The following SLC3A2 variants were observed in gnomAD, a reference collection of about 807,000 sequenced individuals.
SLC3A2 encodes solute carrier family 3 member 2, also known as amino acid transporter heavy chain SLC3A2.
In SLC3A2, 32 loss-of-function variants were observed where a neutral mutation model predicts 48.5. The observed-to-expected ratio is 0.66, with a 90% CI of 0.50 to 0.89. The LOEUF is 0.89. Ranked by LOEUF, SLC3A2 falls within the 40% of genes least tolerant of loss-of-function variation. The pLI is 0.00. For synonymous variants in SLC3A2, 277 were observed against 288.8 expected (o/e 0.96, Z 0.41); for missense variants, 587 against 680.7 (o/e 0.86, Z 1.53).
intron 1 of SLC3A2, among the ~76,000 whole-genome samples, chr11:62,871,920 TA>T (rs2085521735): frequency 6.6e-6 from 1 of 151,904 alleles, no homozygotes; most frequent in Admixed American, 6.6e-5. Flanking sequence ...TTATTATTAT[TA>T]TTATTTTTTG....
At chr11:62,877,315 T>G (rs2085581108), upstream of SLC3A2, among the ~76,000 whole-genome samples, 2 of 152,256 alleles carry the variant, frequency 1.3e-5, no homozygotes, top group South Asian at 4.1e-4. Context: ...CCTGCCTTGG[T>G]CTCCCAAAGT....
In SLC3A2 at chr11:62,857,653, T is replaced by C. The variant is rs947976629; in HGVS notation, c.112+1272T>C. On this transcript the variant is annotated intron_variant, in intron 1 of 9. Transcript: ENST00000377889. ...TGCAAATGAGCTGTGATCAAGCCAC[T>C]GCACTGCACTCCAGCCTGGATGACT... 4.6e-5 allele frequency among the ~76,000 whole-genome samples: 6 copies of C among 129,522 alleles called. No individual in the cohort carries two copies. In the East Asian group the frequency reaches 1.5e-3, roughly 32 times the overall value. The allele number at this position is 129,522 out of a possible 152,430, so 85.0% of individuals were successfully genotyped here.
chr11:62,856,170 C>T, exon 1 of SLC3A2: 2 of 932,888 alleles, frequency 2.1e-6, no homozygotes, highest in Admixed American at 2.6e-5. Flanking sequence ...CACTGCCTCA[C>T]GGCGATCCTG....
At chr11:62,873,957 C>T (rs1212041401) in intron 1 of SLC3A2, among the ~76,000 whole-genome samples, 3 of 142,548 alleles carry the variant, frequency 2.1e-5, no homozygotes, top group Non-Finnish European at 4.5e-5. Flanking sequence ...GTACTTGCAC[C>T]ATGCCCAGCT....
intron 1 of SLC3A2, among the ~76,000 whole-genome samples, chr11:62,859,510 C>G (rs1402687421): frequency 1.3e-5 from 2 of 152,028 alleles, no homozygotes; most frequent in Non-Finnish European, 2.9e-5. Flanking sequence ...GGTGAAAACC[C>G]TTCTCTACTA....
chr11:62,882,232 C>T, intron 2 of SLC3A2, 166 bp downstream of exon 2: 1 of 768,480 alleles, frequency 1.3e-6, no homozygotes, highest in South Asian at 1.9e-5. Context: ...GTCCAGTCGT[C>T]TGGGGGCTTT....
chr11:62,876,249 G>A (rs1368501299), upstream of SLC3A2, among the ~76,000 whole-genome samples: 2 of 152,208 alleles, frequency 1.3e-5, no homozygotes, highest in African/African-American at 2.4e-5. Context: ...TAGGAAGCAT[G>A]TGACATGGAT....
chr11:62,860,210 G>C (rs2085384034), intron 1 of SLC3A2, among the ~76,000 whole-genome samples: 1 of 152,080 alleles, frequency 6.6e-6, no homozygotes, highest in African/African-American at 2.4e-5. Context: ...GCGCAGTAAA[G>C]AGCAGTATTG....
At chr11:62,856,154 T>G (rs1590608143) in exon 1 of SLC3A2, 201 of 741,968 alleles carry the variant, frequency 2.7e-4, no homozygotes, top group Non-Finnish European at 3.6e-4. Flanking sequence ...GCAGGAGCGG[T>G]GAGATCACTG....
chr11:62,875,110 T>G (rs535485365), intron 1 of SLC3A2, among the ~76,000 whole-genome samples: 2 of 152,272 alleles, frequency 1.3e-5, no homozygotes, highest in African/African-American at 4.8e-5. Flanking sequence ...TGATTGGTAT[T>G]TTAGAGGCAG....
chr11:62,865,748 A>C lies in SLC3A2; in HGVS notation c.112+9367A>C, dbSNP rs184428178. Among the ~76,000 whole-genome samples the C allele has an allele frequency of 9.9e-5, 15 of 151,940 alleles. No homozygotes were observed. In the East Asian group the frequency reaches 2.7e-3, roughly 27 times the overall value. The stretch of plus-strand genomic sequence containing the variant: ...TTTTCCCCTAAGGATGCCATGCTCT[A>C]TTGTATCCACAACTCTGTGAATCAA... On this transcript the variant is annotated intron_variant, in intron 1 of 9. Coordinates refer to the SLC3A2 transcript ENST00000377889.
intron 1 of SLC3A2, among the ~76,000 whole-genome samples, chr11:62,872,849 G>T (rs1364974779): frequency 6.6e-6 from 1 of 152,086 alleles, no homozygotes; most frequent in Non-Finnish European, 1.5e-5. Context: ...TGATCCGCCC[G>T]CCTTGGCCTC....
At chr11:62,884,977 G>A (rs567475825) in intron 5 of SLC3A2, among the ~76,000 whole-genome samples, 200 bp from the exon 6 acceptor site, 2 of 151,650 alleles carry the variant, frequency 1.3e-5, no homozygotes, top group African/African-American at 4.8e-5. Flanking sequence ...GATTACAGAC[G>A]CGGGCCACCA....
Position 62,883,018 on chromosome 11 carries a change from G to C in SLC3A2, c.690+19G>C. On this transcript the variant is annotated intron_variant, in intron 3 of 8. Transcript: ENST00000338663. The stretch of plus-strand genomic sequence containing the variant: ...GGTGAAGGTGAGTGTTGGAGCTGAT[G>C]GCTGGTGGAAGTCAGATGCTGGGGC... 1 of 1,610,508 alleles carries C rather than the reference G, an allele frequency of 6.2e-7. No homozygotes were observed. Among genetic ancestry groups the C allele is most frequent in the Non-Finnish European group, 8.5e-7 (1 of 1,176,644 alleles).
chr11:62,862,292 C>G (rs1267337624), intron 1 of SLC3A2, among the ~76,000 whole-genome samples: 1 of 137,134 alleles, frequency 7.3e-6, no homozygotes, highest in Non-Finnish European at 1.5e-5. Flanking sequence ...TGAGATCACG[C>G]CATTGCACTC....
At position 62,867,379 on chromosome 11, in the gene SLC3A2, G is replaced by A. The variant is rs567119266; in HGVS notation, c.112+10998G>A. On this transcript the variant is annotated intron_variant, in intron 1 of 9. Transcript: ENST00000377889. ...TCTCGCTCTGTCTCCAGGCTGGAGT[G>A]CAGTGGCCCGACCTTGGCTCACTGC... 2.3e-3 allele frequency among the ~76,000 whole-genome samples: 308 copies of A among 132,084 alleles called. 2 individuals carry two copies. In the Middle Eastern group the frequency reaches 0.036, roughly 15 times the overall value. 86.7% of individuals were successfully genotyped at this position (132,084 alleles called of 152,430 possible).
rs760741898 is a variant in SLC3A2, at chr11:62,881,316, G to T, written c.293G>T (p.Gly98Val). ...FWLGWLGMLAGAVVIIVRAPR... is the reference protein window; with the variant it reads ...FWLGWLGMLAVAVVIIVRAPR... Reference sequence around the variant, plus strand: ...CTCGGCTGGCTCGGCATGCTTGCTGGTGCCGTGGTCATAATCGTGCGAGCG... The same window carrying T: ...CTCGGCTGGCTCGGCATGCTTGCTGTTGCCGTGGTCATAATCGTGCGAGCG... Residue 98 changes from glycine (G) to valine (V), a missense_variant, in exon 1 of 9, where the codon GGT becomes GTT. By Grantham distance (109) the Gly-to-Val change is moderately radical. This residue lies in a region of SLC3A2 where 409 missense variants were observed against 446.7 expected (regional missense o/e 0.92). Transcript: ENST00000338663. The surrounding 1 kb of genome is among the most constrained non-coding windows in gnomAD (Gnocchi z 4.0). 3.2e-6 allele frequency: 5 copies of T among 1,580,296 alleles called. No homozygotes were observed. The African/African-American group carries it at 5.4e-5, about 17-fold the overall frequency.
At chr11:62,866,587 G>A (rs758915059) in intron 1 of SLC3A2, among the ~76,000 whole-genome samples, 1 of 151,986 alleles carries the variant, frequency 6.6e-6, no homozygotes, top group Non-Finnish European at 1.5e-5. Context: ...ATAGAGATGG[G>A]CCTTCACCAT....
rs960486683 is a variant in SLC3A2, at chr11:62,859,116, A to G, written c.112+2735A>G. ...GGTCTTTCCCTTCCCACGAGGCCATATTTCAGACTATCACATGGGGAGAAA... is the reference window on the plus strand; with the variant it reads ...GGTCTTTCCCTTCCCACGAGGCCATGTTTCAGACTATCACATGGGGAGAAA... On this transcript the variant is annotated intron_variant, in intron 1 of 9. Coordinates refer to the SLC3A2 transcript ENST00000377889. Among the ~76,000 whole-genome samples, 22 of 152,172 alleles carry G rather than the reference A, an allele frequency of 1.4e-4. No individual in the cohort carries two copies. In the East Asian group the frequency reaches 3.9e-3, roughly 27 times the overall value.
Sources: gnomAD v4.1 joint callset for allele counts (sites outside exome capture counted in the v4.1 genomes callset) on GRCh38, gnomAD v4.1.1 for gene constraint, gnomAD v4.1.1 regional missense constraint, Gnocchi (gnomAD v3.1) non-coding constraint, MANE v1.5 for transcripts, NCBI Gene and HGNC (gene_info 2026-07-23, HGNC 2026-07-21) for gene names.